Variants in PALS2 observed in about 807,000 individuals in gnomAD.
PALS2 encodes the protein protein associated with LIN7 2, MAGUK p55 family member, also known as protein PALS2.
A neutral mutation model predicts 61.6 loss-of-function variants in PALS2; 27 were observed. The observed-to-expected ratio is 0.44, with a 90% CI of 0.32 to 0.60. The LOEUF is 0.60. Among genes scored for constraint, PALS2 ranks in the 20% least tolerant of loss-of-function variants. The pLI is 0.05. For synonymous variants in PALS2, 236 were observed against 218.6 expected, an observed-to-expected ratio of 1.08 and a Z score of -0.70; for missense variants, 554 against 639.4, an observed-to-expected ratio of 0.87 and a Z score of 1.44.
At chr7:24,602,241 A>C (rs1783745708) in intron 1 of PALS2, among the ~76,000 whole-genome samples, 1 of 151,934 alleles carries the variant, frequency 6.6e-6, no homozygotes, top group South Asian at 2.1e-4. Context: ...TTTCATGAGT[A>C]TGATATTCTT....
chr7:24,613,570 A>G (rs970789436), intron 1 of PALS2, among the ~76,000 whole-genome samples: 3 of 151,868 alleles, frequency 2.0e-5, no homozygotes, highest in Non-Finnish European at 3.0e-5. Flanking sequence ...CATTGTCTCA[A>G]ACATTTTTCA....
intron 1 of PALS2, chr7:24,589,123 G>A (rs1237622689): frequency 6.6e-6 from 1 of 152,034 alleles, no homozygotes. Context: ...TCTCAAGTAA[G>A]TGCAGATCTT....
At chr7:24,662,768 G>GAAAAAAAAAAAAAA (rs59367702) in intron 5 of PALS2, among the ~76,000 whole-genome samples, 9 of 102,644 alleles carry the variant, frequency 8.8e-5, no homozygotes, top group Non-Finnish European at 1.6e-4. Flanking sequence ...GACTCCATCT[G>GAAAAAAAAAAAAAA]AAAAAAAAAA....
At position 24,693,829 on chromosome 7, in the gene PALS2, G is replaced by A. The variant is rs1441509401; in HGVS notation, c.*6215G>A. 6.6e-6 allele frequency: 1 copy of A among 152,016 alleles called. No homozygotes were observed. The highest frequency in any genetic ancestry group is 1.5e-5 in the Non-Finnish European group (1 of 67,992). The allele number at this position is 152,016 out of a possible 1,614,324, so 9.4% of individuals were successfully genotyped here. On this transcript the variant is annotated 3_prime_UTR_variant, in exon 12 of 12. Transcript: ENST00000222644. The stretch of plus-strand genomic sequence containing the variant: ...AAGTGCAATTTCTCCATGTTATGTT[G>A]AGCTCTGTTGGAGCCTATGGTGAGT...
At chr7:24,645,820 A>G (rs929596931) in intron 3 of PALS2, among the ~76,000 whole-genome samples, 1 of 152,130 alleles carries the variant, frequency 6.6e-6, no homozygotes, top group Non-Finnish European at 1.5e-5. Flanking sequence ...TTCTCATTGT[A>G]GAAATCTTTC....
At position 24,693,862 on chromosome 7, in the gene PALS2, G is replaced by T. The variant is rs1353426875; in HGVS notation, c.*6248G>T. 1 of 152,148 alleles carries T rather than the reference G, an allele frequency of 6.6e-6. No homozygotes were observed. The highest frequency in any genetic ancestry group is 1.5e-5 in the Non-Finnish European group (1 of 68,010). 9.4% of individuals were successfully genotyped at this position (152,148 alleles called of 1,614,324 possible). ...TTGGAGCCTATGGTGAGTATTTGAT[G>T]TGAAAACCTTGCTGTGGGAATTTTT... On this transcript the variant is annotated 3_prime_UTR_variant, in exon 12 of 12. Coordinates refer to ENST00000222644, the MANE Select transcript of PALS2 (RefSeq NM_001303037.2).
At chr7:24,672,443 C>G (rs571857636) in intron 9 of PALS2, among the ~76,000 whole-genome samples, 1 of 152,024 alleles carries the variant, frequency 6.6e-6, no homozygotes, top group East Asian at 2.0e-4. Flanking sequence ...GTTGGCCAGG[C>G]TGGTTTCGAA....
At chr7:24,607,041 G>A (rs1209252916) in intron 1 of PALS2, among the ~76,000 whole-genome samples, 3 of 152,076 alleles carry the variant, frequency 2.0e-5, no homozygotes, top group African/African-American at 4.8e-5. Context: ...CTGTTGGTGC[G>A]CAAGAAATTT....
intron 2 of PALS2, among the ~76,000 whole-genome samples, chr7:24,633,533 A>G (rs1394728101): frequency 7.2e-6 from 1 of 139,510 alleles, no homozygotes; most frequent in Non-Finnish European, 1.5e-5. Flanking sequence ...TAATATACCT[A>G]GACTTAGAAT....
intron 9 of PALS2, among the ~76,000 whole-genome samples, chr7:24,670,264 T>A (rs1022608286): frequency 1.5e-4 from 23 of 152,046 alleles, no homozygotes; most frequent in African/African-American, 3.6e-4. Flanking sequence ...CTACCTGATT[T>A]TATATATATA....
At position 24,587,033 on chromosome 7, in the gene PALS2, TTTTTTTTG is replaced by T. The variant is rs1292614115; in HGVS notation, c.-3+13447_-3+13454del. ...AAACCCTGGTCTTGTTTAAAGGATT[TTTTTTTTG>T]TTTTTTGTTTTTTGGTTATTTTTAT... On this transcript the variant is annotated intron_variant, in intron 1 of 11. Coordinates refer to ENST00000222644, the MANE Select transcript of PALS2 (RefSeq NM_001303037.2). Among the ~76,000 whole-genome samples, 331 of 151,984 alleles carry T rather than the reference TTTTTTTTG, an allele frequency of 2.2e-3. 2 individuals carry two copies. The highest frequency in any genetic ancestry group is 7.6e-3 in the African/African-American group (314 of 41,440).
At chr7:24,615,363 A>G (rs553862844) in intron 1 of PALS2, among the ~76,000 whole-genome samples, 17 of 152,094 alleles carry the variant, frequency 1.1e-4, no homozygotes, top group African/African-American at 3.8e-4. Flanking sequence ...AAAATCAACA[A>G]GAAAAAAAGA....
chr7:24,663,310 A>T (rs967564121), intron 5 of PALS2, among the ~76,000 whole-genome samples: 2 of 152,190 alleles, frequency 1.3e-5, no homozygotes, highest in African/African-American at 4.8e-5. Flanking sequence ...AAGTGAAAAG[A>T]TTGAAGAAAA....
chr7:24,626,929 T>G (rs1050469516), intron 2 of PALS2, among the ~76,000 whole-genome samples: 2 of 152,164 alleles, frequency 1.3e-5, no homozygotes, highest in Non-Finnish European at 2.9e-5. Context: ...TCGGAGATTT[T>G]AACACCCCAC....
chr7:24,681,255 A>T (rs951984035), intron 11 of PALS2, among the ~76,000 whole-genome samples: 1 of 152,158 alleles, frequency 6.6e-6, no homozygotes, highest in East Asian at 1.9e-4. Context: ...AAATTCAAAA[A>T]TATATACAAA....
At chr7:24,624,155 A>G in intron 2 of PALS2, 4 of 1,275,556 alleles carry the variant, frequency 3.1e-6, no homozygotes, top group Non-Finnish European at 1.0e-6. Context: ...CCTACTTTTC[A>G]TGTAAGTTCT....
chr7:24,648,531 T>C (rs1023867688), intron 3 of PALS2, among the ~76,000 whole-genome samples: 12 of 151,968 alleles, frequency 7.9e-5, no homozygotes, highest in African/African-American at 2.7e-4. Context: ...TGACCTCACA[T>C]GATCCACCTG....
intron 5 of PALS2, among the ~76,000 whole-genome samples, chr7:24,652,040 T>C (rs1356487685): frequency 6.6e-6 from 1 of 152,186 alleles, no homozygotes; most frequent in Non-Finnish European, 1.5e-5. Context: ...TAAATGATAT[T>C]AGTACTTAGA....
At chr7:24,583,253 G>A (rs1006474153) in intron 1 of PALS2, among the ~76,000 whole-genome samples, 7 of 151,722 alleles carry the variant, frequency 4.6e-5, no homozygotes, top group Non-Finnish European at 1.0e-4. Context: ...GTAATCTTTT[G>A]GAATGGAGGT....
Sources: allele counts gnomAD v4.1 joint callset (sites outside exome capture counted in the v4.1 genomes callset), GRCh38; gene constraint gnomAD v4.1.1; transcripts MANE v1.5; gene names NCBI Gene and HGNC (gene_info 2026-07-23, HGNC 2026-07-21).